The following PTK2 variants were observed in gnomAD, a reference collection of about 807,000 sequenced individuals.
PTK2 encodes the protein focal adhesion kinase 1.
A neutral mutation model predicts 150.1 loss-of-function variants in PTK2; 45 were observed. The observed-to-expected ratio is 0.30, with a 90% confidence interval of 0.24 to 0.38. The LOEUF (loss-of-function observed/expected upper bound fraction) is 0.38, where lower values mean the gene tolerates loss of function less well. Among genes scored for constraint, PTK2 ranks in the 10% least tolerant of loss-of-function variants. The pLI is 1.00. For synonymous variants in PTK2, 432 were observed against 449.2 expected (o/e 0.96, Z 0.48); for missense variants, 919 against 1,307.3 (o/e 0.70, Z 4.58).
At chr8:140,731,619 G>A (rs2100049438) in intron 22 of PTK2, among the ~76,000 whole-genome samples, 1 of 152,150 alleles carries the variant, frequency 6.6e-6, no homozygotes, top group Non-Finnish European at 1.5e-5. Flanking sequence ...ACAAGGCTGG[G>A]CATGGTGGCT....
Position 140,793,342 on chromosome 8 carries a change from A to G in PTK2, c.1124+12T>C, listed in dbSNP as rs747486415. On this transcript the variant is annotated intron_variant, in intron 13 of 31. Coordinates refer to ENST00000522684, the Ensembl canonical transcript of PTK2. ...CAAAACAAAATAACAGTACAAAAAAAGCAGTACTTACTTTGGTATTGATGG... is the reference window on the plus strand; with the variant it reads ...CAAAACAAAATAACAGTACAAAAAAGGCAGTACTTACTTTGGTATTGATGG... 44 of 1,605,306 alleles carry G rather than the reference A, an allele frequency of 2.7e-5. 2 individuals carry two copies. In the South Asian group the frequency reaches 4.8e-4, roughly 17 times the overall value.
At position 140,757,592 on chromosome 8, in the gene PTK2, A is replaced by G. The variant is rs552449960; in HGVS notation, c.1332+3573T>C. On this transcript the variant is annotated intron_variant, in intron 16 of 31. Coordinates refer to ENST00000522684, the Ensembl canonical transcript of PTK2. ...CTCAGAGCATCACTAGTACACGTGT[A>G]AAGGACATTAAAAATGCATAAACAT... Among the ~76,000 whole-genome samples the G allele has an allele frequency of 2.6e-5, 4 of 152,328 alleles. No homozygotes were observed. The East Asian group carries it at 5.8e-4, about 22-fold the overall frequency.
intron 6 of PTK2, 116 bp downstream of exon 6, chr8:140,846,483 T>C (rs747857998): frequency 8.8e-6 from 10 of 1,131,924 alleles, no homozygotes; most frequent in Middle Eastern, 2.3e-4. Context: ...TTTACTCAAA[T>C]TTTATTCAGT....
rs191944880 is a variant in PTK2 at position 140,931,154 on chromosome 8, A to G, written c.-121-5405T>C. On this transcript the variant is annotated intron_variant, in intron 1 of 31. Coordinates refer to ENST00000522684, the Ensembl canonical transcript of PTK2. ...TTCACATGGATATGCAATGAACCATAAACATCACCCCCCCTTCACCCTATT... is the reference window on the plus strand; with the variant it reads ...TTCACATGGATATGCAATGAACCATGAACATCACCCCCCCTTCACCCTATT... Among the ~76,000 whole-genome samples, 492 of 152,240 alleles carry G rather than the reference A, an allele frequency of 3.2e-3. 15 individuals are homozygous for G. Among genetic ancestry groups the G allele is most frequent in the Admixed American group, 0.03 (456 of 15,280 alleles).
chr8:140,968,798 G>C (rs964097660), intron 1 of PTK2, among the ~76,000 whole-genome samples: 6 of 152,128 alleles, frequency 3.9e-5, no homozygotes, highest in Non-Finnish European at 8.8e-5. Context: ...GTCTACCTGA[G>C]AAAAACACCA....
In PTK2 at chr8:140,936,047, G is replaced by C. The variant is rs142729971; in HGVS notation, c.-121-10298C>G. ...AAAAATAAGCCAGGCATGGTGGCATGCATCTGTAGTCCCGGCTACTCAGGA... is the reference window on the plus strand; with the variant it reads ...AAAAATAAGCCAGGCATGGTGGCATCCATCTGTAGTCCCGGCTACTCAGGA... On this transcript the variant is annotated intron_variant, in intron 1 of 31. Transcript: ENST00000522684. Among the ~76,000 whole-genome samples the C allele has an allele frequency of 3.5e-3, 540 of 152,218 alleles. 6 individuals carry two copies. Among genetic ancestry groups the C allele is most frequent in the African/African-American group, 0.012 (516 of 41,548 alleles).
At chr8:140,797,186 C>A (rs1003731208) in intron 12 of PTK2, among the ~76,000 whole-genome samples, 2 of 152,048 alleles carry the variant, frequency 1.3e-5, no homozygotes, top group Non-Finnish European at 2.9e-5. Context: ...TATCAGGTTT[C>A]TTTAATCAAT....
chr8:140,740,281 C>T (rs995761548), intron 20 of PTK2, among the ~76,000 whole-genome samples: 2 of 152,088 alleles, frequency 1.3e-5, no homozygotes, highest in African/African-American at 4.8e-5. Context: ...TGCCAAGTGT[C>T]CTGAAAGTAG....
At chr8:140,958,721 A>T (rs1038897932) in intron 1 of PTK2, among the ~76,000 whole-genome samples, 5 of 152,254 alleles carry the variant, frequency 3.3e-5, no homozygotes, top group Non-Finnish European at 2.9e-5. Flanking sequence ...TGTTTAAATT[A>T]CTTGCACATT....
intron 2 of PTK2, among the ~76,000 whole-genome samples, chr8:140,896,894 A>G (rs1047012453): frequency 6.6e-6 from 1 of 152,150 alleles, no homozygotes; most frequent in Non-Finnish European, 1.5e-5. Context: ...GATTATGAAG[A>G]AAATCTAAAA....
chr8:140,986,042 A>AC (rs1227384550), intron 1 of PTK2, among the ~76,000 whole-genome samples: 3 of 152,200 alleles, frequency 2.0e-5, no homozygotes, highest in Non-Finnish European at 2.9e-5. Context: ...AGATCCACGT[A>AC]CCAGTGCAAG....
At chr8:140,988,233 C>T (rs2100194096) in intron 1 of PTK2, among the ~76,000 whole-genome samples, 1 of 152,166 alleles carries the variant, frequency 6.6e-6, no homozygotes, top group Non-Finnish European at 1.5e-5. Context: ...TCCCAAACAA[C>T]ATCTGGAAGA....
At chr8:140,954,321 C>T (rs1159708900) in intron 1 of PTK2, among the ~76,000 whole-genome samples, 3 of 152,178 alleles carry the variant, frequency 2.0e-5, no homozygotes, top group East Asian at 1.9e-4. Flanking sequence ...CCTCCTGTCT[C>T]GGCCTCCCAA....
chr8:140,889,207 A>G (rs2100153389), intron 3 of PTK2, among the ~76,000 whole-genome samples: 1 of 152,136 alleles, frequency 6.6e-6, no homozygotes, highest in African/African-American at 2.4e-5. Flanking sequence ...AAATTTATAT[A>G]CAAGACTTTA....
At chr8:140,669,616 G>T (rs960799688) in intron 29 of PTK2, 111 bp downstream of exon 33, 97 of 1,267,162 alleles carry the variant, frequency 7.7e-5, no homozygotes, top group Non-Finnish European at 1.0e-4. Context: ...GACAAAGCAG[G>T]CCGAAGTGCC....
rs561157351 is a variant in PTK2 at position 140,988,290 on chromosome 8, C to T, written c.-122+12835G>A. The stretch of plus-strand genomic sequence containing the variant: ...TAATTCTAAAACATATATTGATCTG[C>T]AAAAGGTCAAGAACAGCCAAGGTAC... On this transcript the variant is annotated intron_variant, in intron 1 of 31. Transcript: ENST00000522684. Among the ~76,000 whole-genome samples, 14 of 152,182 alleles carry T rather than the reference C, an allele frequency of 9.2e-5. No homozygotes were observed. In the South Asian group the frequency reaches 2.9e-3, roughly 32 times the overall value.
intron 31 of PTK2, among the ~76,000 whole-genome samples, chr8:140,660,206 T>C (rs1331406088): frequency 6.6e-6 from 1 of 152,204 alleles, no homozygotes; most frequent in African/African-American, 2.4e-5. Flanking sequence ...GCAGGGCTTT[T>C]GTTTCATAAT....
intron 8 of PTK2, among the ~76,000 whole-genome samples, chr8:140,823,264 A>G (rs2100109893): frequency 6.6e-6 from 1 of 152,208 alleles, no homozygotes; most frequent in South Asian, 2.1e-4. Flanking sequence ...ACATGCAGTG[A>G]TCAAAAATTA....
intron 7 of PTK2, among the ~76,000 whole-genome samples, chr8:140,845,985 T>C (rs1460164549): frequency 1.3e-5 from 2 of 151,428 alleles, no homozygotes; most frequent in Non-Finnish European, 2.9e-5. Context: ...AGCTGTAGAA[T>C]TCAATATAAA....
Sources: gnomAD v4.1 joint callset for allele counts (sites outside exome capture counted in the v4.1 genomes callset) on GRCh38, gnomAD v4.1.1 for gene constraint, MANE v1.5 for transcripts, NCBI Gene and HGNC (gene_info 2026-07-23, HGNC 2026-07-21) for gene names.